The following ADGB variants were observed in gnomAD, a reference collection of about 807,000 sequenced individuals.
ADGB encodes the protein androglobin, also known as calpain-7-like protein.
ADGB carries 172 observed loss-of-function variants against 210.5 expected under a neutral mutation model. The observed-to-expected ratio is 0.82, with a 90% CI of 0.72 to 0.93. ADGB has a LOEUF of 0.93. Among genes scored for constraint, ADGB ranks in the 40% least tolerant of loss-of-function variants. ADGB has a pLI of 0.00. For synonymous variants in ADGB, 658 were observed against 662.7 expected, an observed-to-expected ratio of 0.99 and a Z score of 0.11; for missense variants, 2,025 against 1,964.8, an observed-to-expected ratio of 1.03 and a Z score of -0.58.
intron 5 of ADGB, among the ~76,000 whole-genome samples, chr6:146,663,122 AATATATAATTAT>A (rs1271134336): frequency 1.4e-5 from 2 of 141,082 alleles, no homozygotes. Context: ...AAATATAATA[AATATATAATTAT>A]ATATATAATT....
intron 1 of ADGB, among the ~76,000 whole-genome samples, chr6:146,627,361 T>C (rs988849386): frequency 1.3e-5 from 2 of 152,104 alleles, no homozygotes; most frequent in Non-Finnish European, 2.9e-5. Context: ...TGATTTTACC[T>C]TACTGGATGC....
intron 29 of ADGB, among the ~76,000 whole-genome samples, chr6:146,781,171 C>CAAAAAAAA (rs71031009): frequency 2.6e-4 from 24 of 90,974 alleles, no homozygotes; most frequent in African/African-American, 4.8e-4. Flanking sequence ...ACTAAAAATA[C>CAAAAAAAA]AAAAAAAAAA....
chr6:146,669,825 G>A (rs1291400296), intron 7 of ADGB, among the ~76,000 whole-genome samples: 1 of 152,034 alleles, frequency 6.6e-6, no homozygotes, highest in African/African-American at 2.4e-5. Flanking sequence ...CCTAAGTTAC[G>A]TAGCTATGTG....
chr6:146,814,553 G>C (rs1378055957), intron 35 of ADGB, among the ~76,000 whole-genome samples: 1 of 152,218 alleles, frequency 6.6e-6, no homozygotes, highest in Non-Finnish European at 1.5e-5. Flanking sequence ...TTTTGCTAAA[G>C]TGGTGAGAAT....
Position 146,735,917 on chromosome 6 carries a change from A to G in ADGB, c.2795-581A>G, listed in dbSNP as rs903547657. 1.5e-4 allele frequency among the ~76,000 whole-genome samples: 23 copies of G among 152,242 alleles called. 1 individual carries two copies. Among genetic ancestry groups the G allele is most frequent in the Admixed American group, 1.3e-3 (20 of 15,288 alleles). On this transcript the variant is annotated intron_variant, in intron 22 of 35. Coordinates refer to ENST00000397944, the MANE Select transcript of ADGB (RefSeq NM_024694.4). The stretch of plus-strand genomic sequence containing the variant: ...ATCTTGTATTCTAGTGAGAGTAAGC[A>G]TATAATAGACAAGTAAATATATGAA...
intron 9 of ADGB, among the ~76,000 whole-genome samples, chr6:146,680,509 G>A (rs1776143506): frequency 6.6e-6 from 1 of 152,146 alleles, no homozygotes. Context: ...GTGAAAATAT[G>A]TGGTGTCTGC....
intron 3 of ADGB, among the ~76,000 whole-genome samples, chr6:146,652,412 T>G (rs1475749954): frequency 1.3e-5 from 2 of 152,100 alleles, no homozygotes; most frequent in Non-Finnish European, 2.9e-5. Context: ...AGGTAAATTT[T>G]TCTCTAACTT....
At chr6:146,792,018 C>T (rs1777962854) in intron 33 of ADGB, among the ~76,000 whole-genome samples, 1 of 151,630 alleles carries the variant, frequency 6.6e-6, no homozygotes, top group South Asian at 2.1e-4. Flanking sequence ...TATGCTCCCA[C>T]CTTGGCCTCC....
intron 1 of ADGB, among the ~76,000 whole-genome samples, chr6:146,628,996 A>G (rs1781020640): frequency 6.6e-6 from 1 of 152,218 alleles, no homozygotes; most frequent in Non-Finnish European, 1.5e-5. Context: ...TAATTTGTTT[A>G]CATAGCAATA....
chr6:146,723,062 A>G (rs1014855047), intron 17 of ADGB, among the ~76,000 whole-genome samples: 1 of 152,178 alleles, frequency 6.6e-6, no homozygotes, highest in Non-Finnish European at 1.5e-5. Context: ...GATTTTTTTT[A>G]AACTGAAATA....
chr6:146,664,502 T>C, intron 6 of ADGB, 162 bp downstream of exon 6: 1 of 639,004 alleles, frequency 1.6e-6, no homozygotes, highest in Non-Finnish European at 2.4e-6. Flanking sequence ...CCAAAACCAC[T>C]GATTTTTTCT....
intron 1 of ADGB, among the ~76,000 whole-genome samples, chr6:146,609,974 A>G (rs188548756): frequency 9.2e-5 from 14 of 152,202 alleles, no homozygotes; most frequent in Non-Finnish European, 1.9e-4. Context: ...GAATTTGGTG[A>G]CTATATAACT....
chr6:146,744,430 ATGT>A (rs1777200047), intron 25 of ADGB, among the ~76,000 whole-genome samples: 1 of 152,196 alleles, frequency 6.6e-6, no homozygotes, highest in South Asian at 2.1e-4. Context: ...CTTTTACCTG[ATGT>A]TGTGTCTTCT....
intron 35 of ADGB, among the ~76,000 whole-genome samples, chr6:146,808,786 G>A (rs1778253450): frequency 1.3e-5 from 2 of 152,078 alleles, no homozygotes; most frequent in Non-Finnish European, 2.9e-5. Context: ...TCTACCTCCT[G>A]GACTCAAGCC....
intron 9 of ADGB, among the ~76,000 whole-genome samples, chr6:146,679,303 C>A (rs1776126956): frequency 6.6e-6 from 1 of 152,052 alleles, no homozygotes; most frequent in African/African-American, 2.4e-5. Flanking sequence ...CAATACGTAC[C>A]AAGAGTCCCA....
At chr6:146,642,484 T>C (rs1409973757) in intron 2 of ADGB, among the ~76,000 whole-genome samples, 1 of 151,950 alleles carries the variant, frequency 6.6e-6, no homozygotes, top group South Asian at 2.1e-4. Context: ...GGAAGCAACC[T>C]GAATACCCAT....
At chr6:146,669,351 GA>G (rs143058957) in intron 7 of ADGB, among the ~76,000 whole-genome samples, 2 of 151,546 alleles carry the variant, frequency 1.3e-5, no homozygotes, top group African/African-American at 2.4e-5. Flanking sequence ...TTTTCCTCAG[GA>G]AAAAAAATCT....
chr6:146,715,451 T>C (rs1466262672), intron 14 of ADGB, 36 bp downstream of exon 14: 16 of 1,405,920 alleles, frequency 1.1e-5, no homozygotes, highest in Admixed American at 2.8e-5. Context: ...TTTTTCAATG[T>C]ACATCAAGAT....
intron 30 of ADGB, 106 bp downstream of exon 30, chr6:146,782,298 C>T: frequency 8.9e-7 from 1 of 1,129,854 alleles, no homozygotes; most frequent in Non-Finnish European, 1.2e-6. Context: ...ATTCTTTCTC[C>T]CTGATTCCAG....
Sources: gnomAD v4.1 joint callset for allele counts (sites outside exome capture counted in the v4.1 genomes callset) on GRCh38, gnomAD v4.1.1 for gene constraint, MANE v1.5 for transcripts, NCBI Gene and HGNC (gene_info 2026-07-23, HGNC 2026-07-21) for gene names.